The following NWD2 variants were observed in gnomAD, a reference collection of about 807,000 sequenced individuals.
The protein encoded by NWD2 is NACHT and WD repeat domain containing 2, also known as NACHT and WD repeat domain-containing protein 2.
NWD2 carries 37 observed loss-of-function variants against 132.7 expected under a neutral mutation model. That is an observed-to-expected ratio of 0.28 (90% CI 0.21 to 0.37). The LOEUF (loss-of-function observed/expected upper bound fraction) is 0.37, where lower values mean the gene tolerates loss of function less well. Ranked by LOEUF, NWD2 falls within the 10% of genes least tolerant of loss-of-function variation. NWD2 has a pLI of 1.00. For synonymous variants in NWD2, 705 were observed against 803.0 expected, an observed-to-expected ratio of 0.88 and a Z score of 2.06; for missense variants, 1,592 against 2,122.4, an observed-to-expected ratio of 0.75 and a Z score of 4.91.
intron 1 of NWD2, among the ~76,000 whole-genome samples, chr4:37,279,492 A>G (rs866688929): frequency 2.0e-5 from 3 of 152,230 alleles, no homozygotes; most frequent in African/African-American, 4.8e-5. Flanking sequence ...TTACTATAAC[A>G]TCTAGAATGA....
chr4:37,438,666 T>C (rs978564032), intron 5 of NWD2, 135 bp from the exon 6 acceptor site: 72 of 593,484 alleles, frequency 1.2e-4, no homozygotes, highest in Middle Eastern at 4.6e-4. Context: ...AATCAAGAAA[T>C]TATTCTAAAG....
intron 1 of NWD2, among the ~76,000 whole-genome samples, chr4:37,281,345 C>CT (rs1442175434): frequency 6.7e-6 from 1 of 150,296 alleles, no homozygotes; most frequent in African/African-American, 2.4e-5. Flanking sequence ...GTAGAATCTA[C>CT]ATTTTTTTTT....
chr4:37,313,628 T>G (rs980355621), intron 1 of NWD2, among the ~76,000 whole-genome samples: 3 of 151,126 alleles, frequency 2.0e-5, no homozygotes. Flanking sequence ...TAGGGATTTT[T>G]GAAGATGCTA....
chr4:37,432,214 T>A (rs1306080674), intron 4 of NWD2, among the ~76,000 whole-genome samples: 1 of 152,156 alleles, frequency 6.6e-6, no homozygotes, highest in Admixed American at 6.5e-5. Flanking sequence ...GCCATCTCAA[T>A]CTGTCCTCTA....
At chr4:37,335,917 A>G (rs372157255) in intron 2 of NWD2, among the ~76,000 whole-genome samples, 1 of 150,872 alleles carries the variant, frequency 6.6e-6, no homozygotes, top group Non-Finnish European at 1.5e-5. Context: ...TTAAATGACT[A>G]AGACCCAGAA....
chr4:37,260,872 T>G (rs1303516898), intron 1 of NWD2, among the ~76,000 whole-genome samples: 1 of 152,234 alleles, frequency 6.6e-6, no homozygotes, highest in African/African-American at 2.4e-5. Flanking sequence ...GAATCCATTA[T>G]GTAGCCACAT....
chr4:37,349,690 T>C (rs1178839989), intron 2 of NWD2, among the ~76,000 whole-genome samples: 3 of 152,240 alleles, frequency 2.0e-5, no homozygotes, highest in African/African-American at 7.2e-5. Flanking sequence ...TTCAGTTTAA[T>C]TAGATCCTAT....
chr4:37,366,984 A>G (rs1221626628), intron 3 of NWD2, among the ~76,000 whole-genome samples: 2 of 152,188 alleles, frequency 1.3e-5, no homozygotes, highest in African/African-American at 2.4e-5. Context: ...TGACCTAATT[A>G]ACATTTATAG....
At chr4:37,274,896 A>ACC (rs1717972569) in intron 1 of NWD2, among the ~76,000 whole-genome samples, 1 of 39,866 alleles carries the variant, frequency 2.5e-5, no homozygotes, top group Non-Finnish European at 5.3e-5. Context: ...TCATGCTAAA[A>ACC]ACTCAATAAA....
chr4:37,345,338 CAA>C (rs1719613054), intron 2 of NWD2, among the ~76,000 whole-genome samples: 2 of 152,152 alleles, frequency 1.3e-5, no homozygotes, highest in Non-Finnish European at 2.9e-5. Flanking sequence ...TTCCCATCAG[CAA>C]TGTATGAGGG....
chr4:37,260,554 G>A (rs1301527789), intron 1 of NWD2, among the ~76,000 whole-genome samples: 4 of 152,128 alleles, frequency 2.6e-5, no homozygotes, highest in Non-Finnish European at 5.9e-5. Flanking sequence ...TAATGGAGGG[G>A]AAAGCAGCTT....
At chr4:37,338,973 A>G (rs1719466644) in intron 2 of NWD2, among the ~76,000 whole-genome samples, 1 of 152,224 alleles carries the variant, frequency 6.6e-6, no homozygotes, top group South Asian at 2.1e-4. Context: ...GTAACTGATC[A>G]TCCCTTTTCC....
intron 2 of NWD2, among the ~76,000 whole-genome samples, chr4:37,354,232 G>T: frequency 6.6e-6 from 1 of 152,132 alleles, no homozygotes; most frequent in East Asian, 1.9e-4. Flanking sequence ...TCCCAGAGGG[G>T]CACCCACCAG....
chr4:37,294,798 G>A (rs760119385), intron 1 of NWD2, among the ~76,000 whole-genome samples: 13 of 152,196 alleles, frequency 8.5e-5, no homozygotes, highest in Non-Finnish European at 1.9e-4. Flanking sequence ...TAAACCAAAT[G>A]TATCTGAGAC....
chr4:37,402,515 A>G (rs1164497779), intron 3 of NWD2, among the ~76,000 whole-genome samples: 2 of 152,244 alleles, frequency 1.3e-5, no homozygotes, highest in Non-Finnish European at 2.9e-5. Context: ...GGAAGAAGAC[A>G]ATGTGGATTC....
chr4:37,310,577 T>C (rs1718816788), intron 1 of NWD2, among the ~76,000 whole-genome samples: 1 of 44,206 alleles, frequency 2.3e-5, no homozygotes, highest in Non-Finnish European at 4.7e-5. Flanking sequence ...TTCTTAGTTG[T>C]AGGTGGAAAA....
At chr4:37,260,619 A>G (rs191413815) in intron 1 of NWD2, among the ~76,000 whole-genome samples, 2 of 152,352 alleles carry the variant, frequency 1.3e-5, no homozygotes, top group East Asian at 3.9e-4. Context: ...ATAGTAGAAC[A>G]AGGAATACAA....
intron 3 of NWD2, among the ~76,000 whole-genome samples, chr4:37,392,293 T>TA (rs988826778): frequency 1.3e-4 from 20 of 152,192 alleles, no homozygotes; most frequent in Non-Finnish European, 2.6e-4. Flanking sequence ...TTGAGCCTGA[T>TA]ACGCTCCCAT....
intron 3 of NWD2, among the ~76,000 whole-genome samples, chr4:37,387,048 A>T (rs1217945969): frequency 6.6e-6 from 1 of 152,224 alleles, no homozygotes; most frequent in Non-Finnish European, 1.5e-5. Context: ...ATAGCAATGC[A>T]GAATGGACCA....
Sources: gnomAD v4.1 joint callset for allele counts (sites outside exome capture counted in the v4.1 genomes callset) on GRCh38, gnomAD v4.1.1 for gene constraint, MANE v1.5 for transcripts, NCBI Gene and HGNC (gene_info 2026-07-23, HGNC 2026-07-21) for gene names.